The following NSMCE2 variants were observed in gnomAD, a reference collection of about 807,000 sequenced individuals.
The protein encoded by NSMCE2 is NSE2 SUMO ligase component of SMC5/6 complex, also known as E3 SUMO-protein ligase NSE2.
Under a neutral mutation model 23.8 loss-of-function variants are expected in NSMCE2, and 24 were observed. That is an observed-to-expected ratio of 1.01 (90% confidence interval 0.73 to 1.42). The LOEUF (loss-of-function observed/expected upper bound fraction) is 1.42. Ranked by LOEUF, NSMCE2 falls within the 40% of genes most tolerant of loss-of-function variation. NSMCE2 has a pLI of 0.00. For missense variants in NSMCE2, 284 were observed against 296.5 expected, an observed-to-expected ratio of 0.96 and a Z score of 0.31; for synonymous variants, 92 against 94.1, an observed-to-expected ratio of 0.98 and a Z score of 0.13.
chr8:125,310,100 C>G (rs1234460906), intron 5 of NSMCE2, among the ~76,000 whole-genome samples: 1 of 152,132 alleles, frequency 6.6e-6, no homozygotes, highest in Admixed American at 6.6e-5. Flanking sequence ...TGGTATCTTT[C>G]TATTGGGAAA....
intron 5 of NSMCE2, among the ~76,000 whole-genome samples, chr8:125,350,210 T>TG (rs1488476098): frequency 8.5e-5 from 13 of 152,280 alleles, no homozygotes; most frequent in Admixed American, 3.9e-4. Flanking sequence ...TATGGACATG[T>TG]GCTGTGTGGA....
chr8:125,277,637 G>A (rs1827516433), intron 5 of NSMCE2, among the ~76,000 whole-genome samples: 2 of 152,024 alleles, frequency 1.3e-5, no homozygotes, highest in Admixed American at 1.3e-4. Flanking sequence ...CTCCCGAGTA[G>A]CTGGGACTAC....
chr8:125,126,518 C>T (rs960589918), intron 3 of NSMCE2, among the ~76,000 whole-genome samples: 9 of 152,036 alleles, frequency 5.9e-5, no homozygotes, highest in Non-Finnish European at 1.3e-4. Context: ...AGAATTTTAC[C>T]ACCACGTATT....
intron 5 of NSMCE2, among the ~76,000 whole-genome samples, chr8:125,327,279 A>AAT (rs1220730326): frequency 6.6e-6 from 1 of 151,804 alleles, no homozygotes; most frequent in Non-Finnish European, 1.5e-5. Context: ...AAAAAAAAAA[A>AAT]AAAAAAAGAG....
chr8:125,145,719 G>A (rs1410464105), intron 3 of NSMCE2, among the ~76,000 whole-genome samples: 1 of 152,130 alleles, frequency 6.6e-6, no homozygotes, highest in Non-Finnish European at 1.5e-5. Flanking sequence ...GCTCTATTCA[G>A]AAGTAATTCT....
chr8:125,264,396 G>A (rs1424880665), intron 5 of NSMCE2, among the ~76,000 whole-genome samples: 2 of 152,100 alleles, frequency 1.3e-5, no homozygotes, highest in Admixed American at 6.6e-5. Context: ...CCAGGACAGG[G>A]CAGGCTGTTC....
At chr8:125,146,887 A>C (rs1396460148) in intron 3 of NSMCE2, among the ~76,000 whole-genome samples, 2 of 152,182 alleles carry the variant, frequency 1.3e-5, no homozygotes, top group Non-Finnish European at 2.9e-5. Flanking sequence ...CCTAAAACTT[A>C]AAGTATAAAA....
At chr8:125,325,855 A>G (rs1371686017) in intron 5 of NSMCE2, among the ~76,000 whole-genome samples, 3 of 152,168 alleles carry the variant, frequency 2.0e-5, no homozygotes, top group Non-Finnish European at 4.4e-5. Context: ...GGTAGTCTGA[A>G]GCAAGAGAAT....
intron 5 of NSMCE2, chr8:125,351,367 C>T (rs77935065): frequency 6.6e-6 from 1 of 150,994 alleles, no homozygotes; most frequent in South Asian, 2.1e-4. Flanking sequence ...AAAAAAAAAA[C>T]ATATTCGAGT....
chr8:125,249,264 TA>T (rs1420032359), intron 5 of NSMCE2, among the ~76,000 whole-genome samples: 2 of 152,166 alleles, frequency 1.3e-5, no homozygotes, highest in African/African-American at 4.8e-5. Flanking sequence ...TTCTGAATTT[TA>T]AAGATCTCAA....
At chr8:125,185,503 G>C (rs1483958899) in intron 5 of NSMCE2, among the ~76,000 whole-genome samples, 1 of 151,980 alleles carries the variant, frequency 6.6e-6, no homozygotes, top group Non-Finnish European at 1.5e-5. Context: ...ACGAGGTTTT[G>C]CCATGTTGGC....
At chr8:125,213,905 T>G (rs1824465170) in intron 5 of NSMCE2, among the ~76,000 whole-genome samples, 1 of 152,134 alleles carries the variant, frequency 6.6e-6, no homozygotes, top group South Asian at 2.1e-4. Context: ...TTTTGTTTTA[T>G]ATCTGATCCA....
At chr8:125,295,089 G>C (rs1459546541) in intron 5 of NSMCE2, among the ~76,000 whole-genome samples, 1 of 152,146 alleles carries the variant, frequency 6.6e-6, no homozygotes, top group Admixed American at 6.5e-5. Context: ...GATGACATAG[G>C]GTTTTGGCTG....
chr8:125,192,661 A>C (rs1269147703), intron 5 of NSMCE2, among the ~76,000 whole-genome samples: 1 of 152,234 alleles, frequency 6.6e-6, no homozygotes, highest in Non-Finnish European at 1.5e-5. Context: ...GCTACATTTC[A>C]TTTCAATTTA....
At chr8:125,114,300 G>A (rs1818895492) in intron 3 of NSMCE2, among the ~76,000 whole-genome samples, 1 of 152,072 alleles carries the variant, frequency 6.6e-6, no homozygotes, top group Admixed American at 6.6e-5. Flanking sequence ...GTGACAGCAG[G>A]GGTTTTTATC....
rs145669102 is a variant in NSMCE2, at chr8:125,191,799, G to A, written c.418+9543G>A. On this transcript the variant is annotated intron_variant, in intron 5 of 7. Transcript: ENST00000287437. ...ATCTCTTGCACATACATCATCTCGC[G>A]TAATCTTTACAACATCCACACGCAG... Among the ~76,000 whole-genome samples, 83 of 152,206 alleles carry A rather than the reference G, an allele frequency of 5.5e-4. 1 individual carries two copies. In the East Asian group the frequency reaches 0.015, roughly 27 times the overall value.
chr8:125,234,142 G>A lies in NSMCE2; in HGVS notation c.418+51886G>A, dbSNP rs866438838. Among the ~76,000 whole-genome samples the A allele has an allele frequency of 3.3e-5, 5 of 151,862 alleles. No individual in the cohort carries two copies. The South Asian group carries it at 6.2e-4, about 19-fold the overall frequency. The stretch of plus-strand genomic sequence containing the variant: ...CAGGAGGCAGAGGTTGCAGTGAGCC[G>A]AGATCCTGCCACTGCTCTCCAGCCT... On this transcript the variant is annotated intron_variant, in intron 5 of 7. Coordinates refer to ENST00000287437, the MANE Select transcript of NSMCE2 (RefSeq NM_173685.4).
chr8:125,142,428 G>A (rs1820425037), intron 3 of NSMCE2, among the ~76,000 whole-genome samples: 1 of 152,164 alleles, frequency 6.6e-6, no homozygotes, highest in African/African-American at 2.4e-5. Flanking sequence ...GTGTCACGAT[G>A]ATGAGGGAAT....
At chr8:125,313,687 T>C (rs7841947) in intron 5 of NSMCE2, among the ~76,000 whole-genome samples, 120,964 of 152,144 alleles carry the variant, frequency 0.8, 48,194 homozygotes, top group Admixed American at 0.85. Context: ...GTATGTGTTA[T>C]ACACGTCCTT....
Sources: allele counts gnomAD v4.1 joint callset (sites outside exome capture counted in the v4.1 genomes callset), GRCh38; gene constraint gnomAD v4.1.1; transcripts MANE v1.5; gene names NCBI Gene and HGNC (gene_info 2026-07-23, HGNC 2026-07-21).